Variants in P2RX7 observed in about 807,000 individuals in gnomAD.
P2RX7 encodes P2X purinoceptor 7.
P2RX7 carries 62 observed loss-of-function variants against 71.6 expected under a neutral mutation model. That is an observed-to-expected ratio of 0.87 (90% CI 0.71 to 1.07). The LOEUF (loss-of-function observed/expected upper bound fraction) is 1.07. P2RX7 is among the 50% of genes least tolerant of loss of function. P2RX7 has a pLI of 0.00. For synonymous variants in P2RX7, 299 were observed against 283.3 expected (o/e 1.06, Z -0.56); for missense variants, 686 against 748.5 (o/e 0.92, Z 0.97).
Position 121,156,119 on chromosome 12 carries a change from A to G in P2RX7, c.335A>G (p.Glu112Gly), listed in dbSNP as rs1266750600. The change falls in exon 3 of 13, where the codon GAA becomes GGA. Residue 112 changes from glutamate to glycine, a missense_variant. Physicochemically the swap from Glu to Gly is moderately conservative, Grantham distance 98. Coordinates refer to ENST00000328963, the MANE Select transcript of P2RX7 (RefSeq NM_002562.6). ...FFVMTNFLKT[E>G]GQEQRLCPEY... ...GTGATGACAAACTTTCTCAAAACAG[A>G]AGGCCAAGAGCAGCGGTTGTGTCCC... 6.2e-7 allele frequency: 1 copy of G among 1,614,178 alleles called. No homozygotes were observed. Among genetic ancestry groups the G allele is most frequent in the Non-Finnish European group, 8.5e-7 (1 of 1,180,004 alleles).
chr12:121,163,456 C>T (rs1880251001), intron 5 of P2RX7, among the ~76,000 whole-genome samples: 2 of 151,980 alleles, frequency 1.3e-5, no homozygotes, highest in South Asian at 4.1e-4. Context: ...ATTTCTGTAT[C>T]TGTGCTGTCC....
At chr12:121,143,575 C>T (rs1354506555) in intron 1 of P2RX7, among the ~76,000 whole-genome samples, 2 of 150,736 alleles carry the variant, frequency 1.3e-5, no homozygotes, top group Admixed American at 6.6e-5. Flanking sequence ...ATCGGCCAGG[C>T]GCGGTGGCTC....
intron 8 of P2RX7, among the ~76,000 whole-genome samples, chr12:121,170,496 C>T (rs546577992): frequency 3.9e-5 from 6 of 152,254 alleles, no homozygotes; most frequent in South Asian, 4.1e-4. Context: ...TGTTGAGGGC[C>T]GGGAGCAGTG....
intron 3 of P2RX7, among the ~76,000 whole-genome samples, chr12:121,158,617 AG>A (rs1333902796): frequency 4.6e-5 from 7 of 152,342 alleles, no homozygotes; most frequent in Admixed American, 4.6e-4. Flanking sequence ...AGCTTCAGAA[AG>A]TAGGGGAAAC....
chr12:121,163,573 A>G (rs76521059), intron 5 of P2RX7, among the ~76,000 whole-genome samples: 62 of 94,268 alleles, frequency 6.6e-4, no homozygotes, highest in East Asian at 2.6e-3. Flanking sequence ...TAGATAGATA[A>G]ATAGATAATA....
rs142430697 is a variant in P2RX7, at chr12:121,134,726, G to A, written c.125+1631G>A. On this transcript the variant is annotated intron_variant, in intron 1 of 12. Transcript: ENST00000328963. The stretch of plus-strand genomic sequence containing the variant: ...TCTTTTTTATTATAGCCATGCTAGT[G>A]GGTGTGAAGTGGTAGTTCATTGTGG... Among the ~76,000 whole-genome samples the A allele has an allele frequency of 2.0e-5, 3 of 152,266 alleles. No homozygotes were observed. The East Asian group carries it at 5.8e-4, about 29-fold the overall frequency.
Position 121,184,795 on chromosome 12 carries a change from C to G in P2RX7, c.1781C>G (p.Pro594Arg). The G allele has an allele frequency of 6.5e-7, 1 of 1,536,978 alleles. No individual in the cohort carries two copies. The highest frequency in any genetic ancestry group is 8.8e-7 in the Non-Finnish European group (1 of 1,136,812). The part of the protein sequence containing the change: ...SEGQYSGFKS[P>R]Y ...GGGCAGTACAGTGGCTTCAAGAGTC[C>G]TTACTGAAGCCAGGCACCGTGGCTC... The change falls in exon 13 of 13, where the codon CCT becomes CGT. Residue 594 changes from proline (P) to arginine (R), a missense_variant. Coordinates refer to ENST00000328963, the MANE Select transcript of P2RX7 (RefSeq NM_002562.6).
chr12:121,142,783 C>T (rs1251474595), intron 1 of P2RX7, among the ~76,000 whole-genome samples: 1 of 152,112 alleles, frequency 6.6e-6, no homozygotes, highest in Non-Finnish European at 1.5e-5. Flanking sequence ...AGGGTCATCT[C>T]GCCATCTCAA....
Position 121,177,334 on chromosome 12 carries a change from C to CCAG in P2RX7, c.1077_1079dup (p.Ser360dup). On this transcript the variant is annotated inframe_insertion, in exon 11 of 13. Transcript: ENST00000328963. ...ATCGACTTCCTCATCGACACTTACT[C>CCAG]CAGTAACTGCTGTCGCTCCCATATT... is the stretch of plus-strand genomic sequence containing the variant. 1 of 1,613,964 alleles carries CCAG rather than the reference C, an allele frequency of 6.2e-7. No individual in the cohort carries two copies. Among genetic ancestry groups the CCAG allele is most frequent in the Non-Finnish European group, 8.5e-7 (1 of 1,179,958 alleles).
intron 1 of P2RX7, among the ~76,000 whole-genome samples, chr12:121,146,585 C>T (rs764453196): frequency 3.9e-5 from 6 of 152,146 alleles, no homozygotes; most frequent in African/African-American, 4.8e-5. Flanking sequence ...GCCACTGAGC[C>T]GGGCCAAGCC....
At chr12:121,151,979 C>T (rs1593039992) in intron 1 of P2RX7, among the ~76,000 whole-genome samples, 1 of 152,060 alleles carries the variant, frequency 6.6e-6, no homozygotes, top group South Asian at 2.1e-4. Context: ...TGAACTCCAG[C>T]CATAAATTAT....
intron 1 of P2RX7, among the ~76,000 whole-genome samples, chr12:121,148,435 A>C (rs1876703183): frequency 6.6e-6 from 1 of 151,752 alleles, no homozygotes; most frequent in South Asian, 2.1e-4. Context: ...GGCTGGTCTC[A>C]AACTCTTGAT....
At chr12:121,148,918 T>G (rs1338590192) in intron 1 of P2RX7, 1 of 363,974 alleles carries the variant, frequency 2.7e-6, no homozygotes. Flanking sequence ...AGATGTTTGT[T>G]GGCCTGGCTT....
At chr12:121,162,578 G>A in intron 5 of P2RX7, 58 bp downstream of exon 5, 1 of 1,589,412 alleles carries the variant, frequency 6.3e-7, no homozygotes, top group Non-Finnish European at 8.5e-7. Flanking sequence ...ATGAGGCCTT[G>A]CCGAGGCTGC....
Position 121,184,997 on chromosome 12 carries a change from A to C in P2RX7, c.*195A>C. ...CTACTCGGGAGGCTGAGGCACAAGA[A>C]TCACTTGAACCCGGGAGGCAGAGGT... On this transcript the variant is annotated 3_prime_UTR_variant, in exon 13 of 13. Coordinates refer to ENST00000328963, the MANE Select transcript of P2RX7 (RefSeq NM_002562.6). 3 of 539,484 alleles carry C rather than the reference A, an allele frequency of 5.6e-6. No homozygotes were observed. Among genetic ancestry groups the C allele is most frequent in the Non-Finnish European group, 6.6e-6 (2 of 303,330 alleles). The allele number at this position is 539,484 out of a possible 1,614,324, so 33.4% of individuals were successfully genotyped here.
intron 3 of P2RX7, among the ~76,000 whole-genome samples, chr12:121,157,189 G>GTT (rs1878745071): frequency 6.6e-6 from 1 of 152,078 alleles, no homozygotes; most frequent in Admixed American, 6.6e-5. Flanking sequence ...AACACTGACC[G>GTT]TTGCAGCAGC....
chr12:121,166,119 T>G lies in P2RX7; in HGVS notation c.676T>G (p.Cys226Gly). ...CTFHKTQNPQCPIFRLGDIFR... is the reference protein window; with the variant it reads ...CTFHKTQNPQGPIFRLGDIFR... Reference sequence around the variant, plus strand: ...CTTCCACAAGACTCAGAATCCACAGTGTCCCATTTTCCGACTAGGAGACAT... The same window carrying G: ...CTTCCACAAGACTCAGAATCCACAGGGTCCCATTTTCCGACTAGGAGACAT... The change falls in exon 7 of 13, where the codon TGT becomes GGT. Residue 226 changes from cysteine to glycine, a missense_variant. Cys to Gly is a radical substitution (Grantham distance 159). Coordinates refer to ENST00000328963, the MANE Select transcript of P2RX7 (RefSeq NM_002562.6). The G allele has an allele frequency of 3.7e-6, 6 of 1,613,938 alleles. No individual in the cohort carries two copies. The highest frequency in any genetic ancestry group is 5.1e-6 in the Non-Finnish European group (6 of 1,179,782).
intron 1 of P2RX7, among the ~76,000 whole-genome samples, chr12:121,151,966 G>T (rs919290040): frequency 6.6e-6 from 1 of 151,946 alleles, no homozygotes; most frequent in Non-Finnish European, 1.5e-5. Flanking sequence ...CAGGAGAATC[G>T]CTTGAACTCC....
intron 1 of P2RX7, among the ~76,000 whole-genome samples, chr12:121,152,581 G>A (rs922814264): frequency 1.4e-4 from 22 of 152,234 alleles, no homozygotes; most frequent in South Asian, 6.2e-4. Flanking sequence ...GTGCAGTGGC[G>A]CGATCTCAGC....
Sources: gnomAD v4.1 joint callset for allele counts (sites outside exome capture counted in the v4.1 genomes callset) on GRCh38, gnomAD v4.1.1 for gene constraint, MANE v1.5 for transcripts, NCBI Gene and HGNC (gene_info 2026-07-23, HGNC 2026-07-21) for gene names.